Variants in FAM174A observed in about 807,000 individuals in gnomAD.
FAM174A encodes the protein membrane protein FAM174A.
In FAM174A, 14 loss-of-function variants were observed where a neutral mutation model predicts 14.3. That is an observed-to-expected ratio of 0.98 (90% CI 0.65 to 1.53). FAM174A has a LOEUF of 1.53. Among genes scored for constraint, FAM174A ranks in the 40% most tolerant of loss-of-function variants. FAM174A has a pLI of 0.00. For missense variants in FAM174A, 241 were observed against 249.6 expected (o/e 0.97, Z 0.23); for synonymous variants, 108 against 111.4 (o/e 0.97, Z 0.19).
At position 100,562,964 on chromosome 5, in the gene FAM174A, G is replaced by T. The variant is rs1746558685; in HGVS notation, c.569+776G>T. 2.0e-5 allele frequency among the ~76,000 whole-genome samples: 3 copies of T among 151,916 alleles called. 1 individual carries two copies. In the South Asian group the frequency reaches 6.2e-4, roughly 31 times the overall value. On this transcript the variant is annotated intron_variant, in intron 2 of 2. Coordinates refer to ENST00000312637, the MANE Select transcript of FAM174A (RefSeq NM_198507.3). ...ATTACTTGGGTGAAGGAGAATTAGA[G>T]TCCAGAGTCAGGTACAAATGCAAAG...
At chr5:100,537,818 T>A (rs1378380790) in intron 1 of FAM174A, among the ~76,000 whole-genome samples, 1 of 152,210 alleles carries the variant, frequency 6.6e-6, no homozygotes, top group Non-Finnish European at 1.5e-5. Flanking sequence ...GAATGTTGTA[T>A]CTCTTATACA....
At position 100,562,155 on chromosome 5, in the gene FAM174A, A is replaced by G; in HGVS notation, c.536A>G (p.Asp179Gly). 10 of 1,582,970 alleles carry G rather than the reference A, an allele frequency of 6.3e-6. No individual in the cohort carries two copies. The highest frequency in any genetic ancestry group is 8.6e-6 in the Non-Finnish European group (10 of 1,167,632). The change falls in exon 2 of 3, where the codon GAC (aspartate) becomes GGC (glycine). Residue 179 changes from aspartate to glycine, a missense_variant. Transcript: ENST00000312637. ...TTAGAACAGGATGATGAGGATGATG[A>G]CAACACGTTGTTTGATGCCAATCAT... Reference protein sequence around the residue: ...TPLEQDDEDDDNTLFDANHPR... With the variant: ...TPLEQDDEDDGNTLFDANHPR...
Position 100,556,956 on chromosome 5 carries a change from C to A in FAM174A, c.435-5098C>A, listed in dbSNP as rs190163441. Among the ~76,000 whole-genome samples the A allele has an allele frequency of 5.1e-3, 781 of 152,280 alleles. 9 individuals carry two copies. Among genetic ancestry groups the A allele is most frequent in the African/African-American group, 0.017 (725 of 41,550 alleles). ...TATTTCTTTCTCCTGCCTGATTGCC[C>A]TGACCAGAACTTCCAACACTATGTT... On this transcript the variant is annotated intron_variant, in intron 1 of 2. Transcript: ENST00000312637.
chr5:100,575,008 A>G (rs1337234917), intron 2 of FAM174A, among the ~76,000 whole-genome samples: 2 of 152,298 alleles, frequency 1.3e-5, no homozygotes, highest in East Asian at 1.9e-4. Context: ...ACTGAGGCTT[A>G]GTTCAAATGA....
At chr5:100,538,695 A>T (rs1345884635) in intron 1 of FAM174A, among the ~76,000 whole-genome samples, 1 of 152,098 alleles carries the variant, frequency 6.6e-6, no homozygotes, top group African/African-American at 2.4e-5. Context: ...TGCCTAATGG[A>T]TGAGCACTCT....
chr5:100,555,685 G>A (rs191698656), intron 1 of FAM174A, among the ~76,000 whole-genome samples: 4 of 152,256 alleles, frequency 2.6e-5, no homozygotes, highest in Admixed American at 1.3e-4. Flanking sequence ...GCCAGTGATG[G>A]TGAGCATTTT....
At chr5:100,543,634 G>A (rs1404048184) in intron 1 of FAM174A, among the ~76,000 whole-genome samples, 1 of 151,748 alleles carries the variant, frequency 6.6e-6, no homozygotes, top group East Asian at 2.0e-4. Context: ...CTGTCACCCA[G>A]GCTGGAGGGG....
At chr5:100,559,103 T>C (rs1746465918) in intron 1 of FAM174A, among the ~76,000 whole-genome samples, 1 of 152,160 alleles carries the variant, frequency 6.6e-6, no homozygotes, top group African/African-American at 2.4e-5. Flanking sequence ...GTTTAGTGCT[T>C]CCTTCAGGAG....
intron 2 of FAM174A, among the ~76,000 whole-genome samples, chr5:100,573,939 G>A (rs1371718716): frequency 1.3e-5 from 2 of 151,940 alleles, no homozygotes; most frequent in African/African-American, 4.8e-5. Context: ...ACAACTATCT[G>A]ATCTTTGACA....
intron 1 of FAM174A, among the ~76,000 whole-genome samples, chr5:100,537,029 T>C (rs1314757456): frequency 6.6e-6 from 1 of 152,242 alleles, no homozygotes; most frequent in East Asian, 1.9e-4. Context: ...AAGTAGTTCA[T>C]TGATATTGTT....
At chr5:100,549,516 A>G (rs937355245) in intron 1 of FAM174A, among the ~76,000 whole-genome samples, 1 of 152,152 alleles carries the variant, frequency 6.6e-6, no homozygotes, top group Non-Finnish European at 1.5e-5. Context: ...AAGTGATTGT[A>G]TGTACTGAAT....
intron 1 of FAM174A, among the ~76,000 whole-genome samples, chr5:100,556,509 T>G (rs1746387062): frequency 1.3e-5 from 2 of 152,222 alleles, no homozygotes; most frequent in Admixed American, 1.3e-4. Flanking sequence ...GGGGATGGCA[T>G]TGAATCTATA....
intron 2 of FAM174A, among the ~76,000 whole-genome samples, chr5:100,565,518 A>G (rs72660730): frequency 0.028 from 4,251 of 152,000 alleles, 182 homozygotes; most frequent in East Asian, 0.23. Flanking sequence ...AAATGGGCAC[A>G]TGACCCCTGT....
intron 2 of FAM174A, among the ~76,000 whole-genome samples, chr5:100,574,479 C>T (rs1405117027): frequency 6.6e-6 from 1 of 152,300 alleles, no homozygotes; most frequent in East Asian, 1.9e-4. Context: ...TGAGCCACTG[C>T]ACCGGGCCTC....
At position 100,535,456 on chromosome 5, in the gene FAM174A, GCGC is replaced by G; in HGVS notation, c.-73_-71del. 1 of 1,522,896 alleles carries G rather than the reference GCGC, an allele frequency of 6.6e-7. No homozygotes were observed. The highest frequency in any genetic ancestry group is 9.0e-7 in the Non-Finnish European group (1 of 1,112,220). The allele number at this position is 1,522,896 out of a possible 1,614,324, so 94.3% of individuals were successfully genotyped here. ...GGTCACCTCTGCTTCATTCTCCACC[GCGC>G]CTATGGTCCCTCTTGGAGCCAGCGT... On this transcript the variant is annotated 5_prime_UTR_variant, in exon 1 of 3. Coordinates refer to ENST00000312637, the MANE Select transcript of FAM174A (RefSeq NM_198507.3).
intron 2 of FAM174A, among the ~76,000 whole-genome samples, chr5:100,571,427 T>C (rs1746776519): frequency 6.6e-6 from 1 of 151,466 alleles, no homozygotes; most frequent in Non-Finnish European, 1.5e-5. Flanking sequence ...TAATTGTAAA[T>C]TGCTTTATCA....
chr5:100,578,565 C>A (rs1289772670), intron 2 of FAM174A, among the ~76,000 whole-genome samples: 2 of 152,074 alleles, frequency 1.3e-5, no homozygotes, highest in African/African-American at 4.8e-5. Flanking sequence ...CCCTTCTAGG[C>A]CAAGGTTTTT....
At chr5:100,558,537 G>T (rs1227215160) in intron 1 of FAM174A, among the ~76,000 whole-genome samples, 3 of 151,994 alleles carry the variant, frequency 2.0e-5, no homozygotes, top group Non-Finnish European at 4.4e-5. Context: ...TGACAGTGGG[G>T]TATTAAAGTC....
chr5:100,547,844 T>G (rs1746193149), intron 1 of FAM174A, among the ~76,000 whole-genome samples: 1 of 151,964 alleles, frequency 6.6e-6, no homozygotes, highest in South Asian at 2.1e-4. Flanking sequence ...ATTTTTTTTT[T>G]GTCATTTACT....
Sources: gnomAD v4.1 joint callset for allele counts (sites outside exome capture counted in the v4.1 genomes callset) on GRCh38, gnomAD v4.1.1 for gene constraint, MANE v1.5 for transcripts, NCBI Gene and HGNC (gene_info 2026-07-23, HGNC 2026-07-21) for gene names.